RAB3C: variants seen among roughly 807,000 people sequenced by gnomAD.
The protein encoded by RAB3C is ras-related protein Rab-3C.
Under a neutral mutation model 26.4 loss-of-function variants are expected in RAB3C, and 17 were observed. The observed-to-expected ratio is 0.64, with a 90% CI of 0.44 to 0.97. RAB3C has a LOEUF of 0.97. Ranked by LOEUF, RAB3C falls within the 50% of genes least tolerant of loss-of-function variation. RAB3C has a pLI of 0.00. For synonymous variants in RAB3C, 91 were observed against 95.9 expected (o/e 0.95, Z 0.30); for missense variants, 242 against 281.9 (o/e 0.86, Z 1.01).
rs1406041571 is a variant in RAB3C, at chr5:58,797,368, A to AAT, written c.372-27642_372-27641dup. ...AAAAAAAAAAAATATGTATATATAT[A>AAT]ATATATATATATATATATATATATA... On this transcript the variant is annotated intron_variant, in intron 3 of 4. Coordinates refer to ENST00000282878, the MANE Select transcript of RAB3C (RefSeq NM_138453.4). 2.5e-3 allele frequency among the ~76,000 whole-genome samples: 57 copies of AAT among 22,800 alleles called. 1 individual carries two copies. The East Asian group carries it at 0.04, about 16-fold the overall frequency. The allele number at this position is 22,800 out of a possible 152,430, so 15.0% of individuals were successfully genotyped here. A position where few individuals can be genotyped will look rare whatever the true frequency, so the allele number is the denominator to read the frequency against.
chr5:58,628,907 G>A (rs1388786525), intron 2 of RAB3C, among the ~76,000 whole-genome samples: 1 of 151,680 alleles, frequency 6.6e-6, no homozygotes, highest in Non-Finnish European at 1.5e-5. Flanking sequence ...TTTTATAAAG[G>A]GCTGGGCATG....
At chr5:58,849,047 A>G (rs572878348) in intron 4 of RAB3C, among the ~76,000 whole-genome samples, 20 of 152,340 alleles carry the variant, frequency 1.3e-4, no homozygotes, top group African/African-American at 4.1e-4. Flanking sequence ...CTCAAATTGT[A>G]TACCAATATG....
chr5:58,626,320 G>T (rs1747050624), intron 2 of RAB3C, among the ~76,000 whole-genome samples: 1 of 152,142 alleles, frequency 6.6e-6, no homozygotes, highest in Non-Finnish European at 1.5e-5. Flanking sequence ...TTTGTAGTAG[G>T]GGCACTGGGG....
chr5:58,713,771 T>C (rs1403954245), intron 2 of RAB3C, among the ~76,000 whole-genome samples: 2 of 152,126 alleles, frequency 1.3e-5, no homozygotes, highest in Non-Finnish European at 2.9e-5. Context: ...GAGACAATAA[T>C]TAACCAAGTA....
chr5:58,596,109 C>A (rs1411560046), intron 1 of RAB3C, among the ~76,000 whole-genome samples: 1 of 152,036 alleles, frequency 6.6e-6, no homozygotes, highest in Non-Finnish European at 1.5e-5. Flanking sequence ...TGACCCACCA[C>A]CTAGCTGGCT....
intron 2 of RAB3C, among the ~76,000 whole-genome samples, chr5:58,672,392 A>G (rs901094288): frequency 4.6e-5 from 7 of 152,306 alleles, no homozygotes; most frequent in South Asian, 4.1e-4. Context: ...CAGTTTAGTC[A>G]ACTTCATACC....
chr5:58,592,262 A>G (rs980409645), intron 1 of RAB3C, among the ~76,000 whole-genome samples: 4 of 152,124 alleles, frequency 2.6e-5, no homozygotes, highest in Non-Finnish European at 5.9e-5. Context: ...ACGGATTACA[A>G]TATGCATATT....
intron 3 of RAB3C, among the ~76,000 whole-genome samples, chr5:58,798,349 T>C (rs1322123366): frequency 6.6e-6 from 1 of 152,180 alleles, no homozygotes; most frequent in African/African-American, 2.4e-5. Flanking sequence ...GCTGATGATA[T>C]ACTAACCAAG....
intron 3 of RAB3C, among the ~76,000 whole-genome samples, chr5:58,749,887 A>G (rs1741484674): frequency 6.6e-6 from 1 of 152,180 alleles, no homozygotes; most frequent in Non-Finnish European, 1.5e-5. Context: ...TAAGTTTGAG[A>G]ATGTTTTTGA....
intron 3 of RAB3C, among the ~76,000 whole-genome samples, chr5:58,820,969 T>C (rs779193079): frequency 3.9e-5 from 6 of 152,188 alleles, no homozygotes; most frequent in African/African-American, 1.4e-4. Flanking sequence ...TTCCATTAAT[T>C]TGGTTAAGGG....
chr5:58,833,324 TCA>T (rs571940681), intron 4 of RAB3C, among the ~76,000 whole-genome samples: 5,504 of 140,504 alleles, frequency 0.039, 240 homozygotes, highest in African/African-American at 0.1. Flanking sequence ...ACGGACCCCA[TCA>T]CACACACACA....
At chr5:58,636,030 T>A (rs915343104) in intron 2 of RAB3C, among the ~76,000 whole-genome samples, 2 of 152,240 alleles carry the variant, frequency 1.3e-5, no homozygotes, top group South Asian at 4.1e-4. Flanking sequence ...GAGAATATAG[T>A]ATTACATTAA....
chr5:58,791,614 T>C (rs1028131813), intron 3 of RAB3C, among the ~76,000 whole-genome samples: 1 of 152,236 alleles, frequency 6.6e-6, no homozygotes, highest in Non-Finnish European at 1.5e-5. Flanking sequence ...TCCTCCATAG[T>C]TATGAATCTA....
intron 2 of RAB3C, among the ~76,000 whole-genome samples, chr5:58,706,125 A>C (rs1296997393): frequency 6.6e-6 from 1 of 152,220 alleles, no homozygotes; most frequent in Non-Finnish European, 1.5e-5. Context: ...AGTGTAAAGG[A>C]GATGGCAAGT....
At chr5:58,786,666 G>C (rs1742390733) in intron 3 of RAB3C, among the ~76,000 whole-genome samples, 1 of 151,828 alleles carries the variant, frequency 6.6e-6, no homozygotes, top group Non-Finnish European at 1.5e-5. Context: ...TTTTCTTTCG[G>C]ACCGCACGGC....
intron 2 of RAB3C, among the ~76,000 whole-genome samples, chr5:58,707,576 G>A (rs897167650): frequency 2.6e-5 from 4 of 152,108 alleles, no homozygotes; most frequent in Non-Finnish European, 5.9e-5. Context: ...AGTAAGGAGT[G>A]GAGCCAGAAT....
intron 1 of RAB3C, among the ~76,000 whole-genome samples, chr5:58,595,394 A>G (rs765078120): frequency 2.0e-5 from 3 of 152,138 alleles, no homozygotes; most frequent in Non-Finnish European, 4.4e-5. Context: ...CTGCTGAGCT[A>G]TATCACCAAG....
At position 58,842,046 on chromosome 5, in the gene RAB3C, C is replaced by T. The variant is rs1743887391; in HGVS notation, c.497-9118C>T. Among the ~76,000 whole-genome samples, 3 of 152,198 alleles carry T rather than the reference C, an allele frequency of 2.0e-5. No individual in the cohort carries two copies. The South Asian group carries it at 6.2e-4, about 32-fold the overall frequency. On this transcript the variant is annotated intron_variant, in intron 4 of 4. Transcript: ENST00000282878. ...CAAGTAAACCTGTATACTCAGCCAA[C>T]TCAATGCAGGCATCCTCTCATTTCC...
chr5:58,725,954 T>G, intron 2 of RAB3C, 48 bp from the exon 3 acceptor site: 2 of 1,111,460 alleles, frequency 1.8e-6, no homozygotes, highest in South Asian at 3.1e-5. Context: ...TTCCCAAAAA[T>G]GTATTGCCTT....
Sources: gnomAD v4.1 joint callset for allele counts (sites outside exome capture counted in the v4.1 genomes callset) on GRCh38, gnomAD v4.1.1 for gene constraint, MANE v1.5 for transcripts, NCBI Gene and HGNC (gene_info 2026-07-23, HGNC 2026-07-21) for gene names.